SEMA4D: variants seen among roughly 807,000 people sequenced by gnomAD.
SEMA4D encodes the protein semaphorin 4D.
Under a neutral mutation model 74.8 loss-of-function variants are expected in SEMA4D, and 22 were observed. The ratio of observed to expected loss-of-function variants is 0.29; its 90% confidence interval spans 0.21 to 0.42. SEMA4D has a LOEUF of 0.42. SEMA4D is among the 10% of genes least tolerant of loss of function. The pLI is 1.00. For missense variants in SEMA4D, 937 were observed against 1,118.4 expected (o/e 0.84, Z 2.31); for synonymous variants, 445 against 463.7 (o/e 0.96, Z 0.52).
chr9:89,471,424 G>C (rs904146728), intron 1 of SEMA4D, among the ~76,000 whole-genome samples: 25 of 152,312 alleles, frequency 1.6e-4, no homozygotes, highest in African/African-American at 6.0e-4. Flanking sequence ...TTAGAAAATT[G>C]TATTTGTATA....
intron 7 of SEMA4D, 87 bp downstream of exon 7, chr9:89,393,475 A>AC: frequency 9.1e-7 from 1 of 1,102,532 alleles, no homozygotes; most frequent in Non-Finnish European, 1.4e-6. Context: ...GGAAGACAGC[A>AC]CTTCAGAGAA....
rs1554730118 is a variant in SEMA4D, at chr9:89,364,021, A to G, written c.1883-71T>C. 17 of 1,612,720 alleles carry G rather than the reference A, an allele frequency of 1.1e-5. No individual in the cohort carries two copies. In the South Asian group the frequency reaches 1.5e-4, roughly 15 times the overall value. On this transcript the variant is annotated intron_variant, in intron 16 of 18. Coordinates refer to the SEMA4D transcript ENST00000339861. ...CAAAGAAGCTGCCCCATGAGGGTGC[A>G]GGGGGGTTACCTCTGCTGTCCCAGT...
At chr9:89,412,924 C>T (rs73484093) in intron 2 of SEMA4D, among the ~76,000 whole-genome samples, 9,400 of 152,156 alleles carry the variant, frequency 0.062, 618 homozygotes, top group African/African-American at 0.16. Flanking sequence ...ACAGATCTGC[C>T]GGCCCTGCGA....
At chr9:89,469,444 T>C (rs57540823) in intron 1 of SEMA4D, among the ~76,000 whole-genome samples, 19,701 of 152,190 alleles carry the variant, frequency 0.13, 1,350 homozygotes, top group Middle Eastern at 0.21. Context: ...AGCACTACCC[T>C]GATAGCAAAT....
exon 19 of SEMA4D, chr9:89,362,328 CG>C (rs2132161208): frequency 1.9e-6 from 3 of 1,613,488 alleles, no homozygotes; most frequent in Non-Finnish European, 2.5e-6. Context: ...AGGCCTTCTC[CG>C]GGGGTGGCTG....
At chr9:89,414,085 C>T (rs990777290) in intron 2 of SEMA4D, among the ~76,000 whole-genome samples, 3 of 152,206 alleles carry the variant, frequency 2.0e-5, no homozygotes, top group Non-Finnish European at 4.4e-5. Context: ...CTGGGATCAG[C>T]TGTCTGGCAG....
chr9:89,460,237 T>C (rs1180851606), intron 1 of SEMA4D, among the ~76,000 whole-genome samples: 1 of 152,240 alleles, frequency 6.6e-6, no homozygotes, highest in African/African-American at 2.4e-5. Flanking sequence ...GAGAAACAGC[T>C]GGCCTTGGGT....
intron 1 of SEMA4D, among the ~76,000 whole-genome samples, chr9:89,463,577 CTAAT>C (rs1488644400): frequency 1.3e-5 from 2 of 152,166 alleles, no homozygotes; most frequent in Non-Finnish European, 2.9e-5. Context: ...AGGTACAAAA[CTAAT>C]TAGCGTCAAC....
In SEMA4D at chr9:89,484,642, T is replaced by C. The variant is rs1469280814; in HGVS notation, c.-310+13277A>G. Among the ~76,000 whole-genome samples, 2 of 151,172 alleles carry C rather than the reference T, an allele frequency of 1.3e-5. No individual in the cohort carries two copies. The highest frequency in any genetic ancestry group is 3.0e-5 in the Non-Finnish European group (2 of 67,722). On this transcript the variant is annotated intron_variant, in intron 1 of 15. Transcript: ENST00000422704. The surrounding 1 kb of genome is among the most constrained non-coding windows in gnomAD (Gnocchi z 4.1). The stretch of plus-strand genomic sequence containing the variant: ...GTGCGGTGTATGTATGCAGTATATA[T>C]GTAGTGTGTGTGTGGTGTGGTGTGT...
rs763355967 is a variant in SEMA4D at position 89,388,973 on chromosome 9, C to T, written c.849G>A (p.Arg283=). The part of the protein sequence containing the change: ...SFLKARLICS[R]PDSGLVFNVL... ...CATTGAAGACCAAGCCGCTGTCTGG[C>T]CGGGAGCAGATGAGTCGGGCTTTCA... The change falls in exon 10 of 16, where the codon CGG becomes CGA. Residue 283 remains arginine, a synonymous_variant. Transcript: ENST00000422704. 16 of 1,614,130 alleles carry T rather than the reference C, an allele frequency of 9.9e-6. No individual in the cohort carries two copies. The East Asian group carries it at 3.6e-4, about 36-fold the overall frequency.
chr9:89,384,513 A>C, intron 13 of SEMA4D: 1 of 314,454 alleles, frequency 3.2e-6, no homozygotes, highest in Non-Finnish European at 4.6e-6. Context: ...TTTCACAGGT[A>C]AAAAGCTTCT....
intron 1 of SEMA4D, among the ~76,000 whole-genome samples, chr9:89,496,117 CCA>C (rs1252546937): frequency 6.6e-6 from 1 of 152,178 alleles, no homozygotes. Context: ...GGCCCCAGAC[CCA>C]CTGGATATCA....
intron 1 of SEMA4D, chr9:89,472,300 G>A (rs1048583063): frequency 9.4e-6 from 4 of 424,138 alleles, no homozygotes; most frequent in South Asian, 5.7e-5. Flanking sequence ...GTAAGAACTC[G>A]ATGAAGGCCA....
At chr9:89,450,496 G>A (rs1014665627) in intron 2 of SEMA4D, 18 of 1,359,674 alleles carry the variant, frequency 1.3e-5, no homozygotes, top group Admixed American at 3.4e-5. Flanking sequence ...GAGAAGGAGG[G>A]TGAATTTGTT....
In SEMA4D at chr9:89,405,796, C is replaced by G. The variant is rs905886475; in HGVS notation, c.-243-97G>C. On this transcript the variant is annotated intron_variant, in intron 2 of 15. Coordinates refer to ENST00000422704, the MANE Select transcript of SEMA4D (RefSeq NM_001371194.2). ...CCTCTGCTTGCCCTGGATCCTCACC[C>G]GGGTCCATCTGCTGAGGAATACGGA... The G allele has an allele frequency of 4.6e-6, 6 of 1,297,666 alleles. No individual in the cohort carries two copies. The African/African-American group carries it at 7.5e-5, about 16-fold the overall frequency. The allele number at this position is 1,297,666 out of a possible 1,614,324, so 80.4% of individuals were successfully genotyped here.
chr9:89,388,559 G>T, intron 11 of SEMA4D, 77 bp downstream of exon 11: 1 of 1,511,874 alleles, frequency 6.6e-7, no homozygotes, highest in Non-Finnish European at 8.8e-7. Flanking sequence ...CCATGAGCAG[G>T]CCCCAGTGCC....
chr9:89,365,855 A>T (rs1833572984), intron 16 of SEMA4D, among the ~76,000 whole-genome samples: 1 of 152,218 alleles, frequency 6.6e-6, no homozygotes, highest in African/African-American at 2.4e-5. Context: ...AGAGATCGCC[A>T]GTTTAATGAA....
rs1368764919 is a variant in SEMA4D, at chr9:89,498,010, G to A, written c.-401C>T. 1.4e-5 allele frequency: 2 copies of A among 147,212 alleles called. No individual in the cohort carries two copies. The highest frequency in any genetic ancestry group is 3.0e-5 in the Non-Finnish European group (2 of 65,976). The allele number at this position is 147,212 out of a possible 1,614,324, so 9.1% of individuals were successfully genotyped here. ...GCGGCGGCGGCGGCAGCGGCGGGAGGCGGCCGGGCCGGGGAGGGGGTGGCG... is the reference window on the plus strand; with the variant it reads ...GCGGCGGCGGCGGCAGCGGCGGGAGACGGCCGGGCCGGGGAGGGGGTGGCG... On this transcript the variant is annotated 5_prime_UTR_variant, in exon 1 of 16. Coordinates refer to ENST00000422704, the MANE Select transcript of SEMA4D (RefSeq NM_001371194.2).
At chr9:89,385,005 G>T in intron 13 of SEMA4D, 1 of 985,398 alleles carries the variant, frequency 1.0e-6, no homozygotes, top group Non-Finnish European at 1.2e-6. Context: ...AGACAGGCGG[G>T]TCGGGTGGTC....
Sources: gnomAD v4.1 joint callset for allele counts (sites outside exome capture counted in the v4.1 genomes callset) on GRCh38, gnomAD v4.1.1 for gene constraint, Gnocchi (gnomAD v3.1) non-coding constraint, MANE v1.5 for transcripts, NCBI Gene and HGNC (gene_info 2026-07-23, HGNC 2026-07-21) for gene names.